ZFHX4: variants seen among roughly 807,000 people sequenced by gnomAD.
ZFHX4 encodes zinc finger homeobox protein 4.
ZFHX4 carries 56 observed loss-of-function variants against 267.6 expected under a neutral mutation model. The observed-to-expected ratio is 0.21, with a 90% CI of 0.17 to 0.26. The LOEUF (loss-of-function observed/expected upper bound fraction) is 0.26, where lower values mean the gene tolerates loss of function less well. Among genes scored for constraint, ZFHX4 ranks in the 10% least tolerant of loss-of-function variants. ZFHX4 has a pLI of 1.00. For missense variants in ZFHX4, 4,332 were observed against 4,420.0 expected (o/e 0.98, Z 0.56); for synonymous variants, 1,778 against 1,665.6 (o/e 1.07, Z -1.64).
rs1191727641 is a variant in ZFHX4 at position 76,854,133 on chromosome 8, A to G, written c.7212A>G (p.Pro2404=). The G allele has an allele frequency of 6.2e-7, 1 of 1,612,990 alleles. No individual in the cohort carries two copies. Among genetic ancestry groups the G allele is most frequent in the East Asian group, 2.2e-5 (1 of 44,770 alleles). The part of the protein sequence containing the change: ...SPKPEPEKTS[P]KPEYPAEKPK... The stretch of plus-strand genomic sequence containing the variant: ...AACCAGAACCTGAGAAGACTTCTCC[A>G]AAACCTGAATATCCCGCAGAAAAGC... The change falls in exon 10 of 11, where the codon CCA becomes CCG. Residue 2404 remains proline (P), a synonymous_variant. Coordinates refer to ENST00000651372, the MANE Select transcript of ZFHX4 (RefSeq NM_024721.5).
intron 3 of ZFHX4, among the ~76,000 whole-genome samples, chr8:76,760,974 C>G (rs569072298): frequency 6.7e-6 from 1 of 150,158 alleles, no homozygotes; most frequent in South Asian, 2.1e-4. Flanking sequence ...TAGCCTGGCT[C>G]TCTATTGAGA....
intron 3 of ZFHX4, among the ~76,000 whole-genome samples, chr8:76,750,094 T>G (rs1809575065): frequency 6.6e-6 from 1 of 152,166 alleles, no homozygotes. Context: ...GACCACACAT[T>G]CTTTTGTTCT....
intron 5 of ZFHX4, among the ~76,000 whole-genome samples, chr8:76,842,088 C>T (rs1332476831): frequency 6.6e-6 from 1 of 151,940 alleles, no homozygotes; most frequent in South Asian, 2.1e-4. Context: ...TTGTTATATC[C>T]TGCACCCAGT....
At chr8:76,787,633 T>G (rs1325386828) in intron 4 of ZFHX4, among the ~76,000 whole-genome samples, 1 of 102,258 alleles carries the variant, frequency 9.8e-6, no homozygotes, top group African/African-American at 3.9e-5. Flanking sequence ...AAACCCCATC[T>G]CCACTAAAAA....
intron 3 of ZFHX4, among the ~76,000 whole-genome samples, chr8:76,742,499 T>G (rs2131686061): frequency 6.6e-6 from 1 of 152,264 alleles, no homozygotes; most frequent in Admixed American, 6.5e-5. Context: ...GATATTGCAC[T>G]TAATACTACT....
intron 5 of ZFHX4, among the ~76,000 whole-genome samples, chr8:76,835,395 A>G (rs549516221): frequency 5.3e-5 from 8 of 151,586 alleles, no homozygotes; most frequent in Admixed American, 3.3e-4. Context: ...CTATATAAAT[A>G]TGACCCCAGT....
At chr8:76,862,113 GTCCT>G (rs1812884361) in intron 10 of ZFHX4, among the ~76,000 whole-genome samples, 1 of 152,140 alleles carries the variant, frequency 6.6e-6, no homozygotes, top group South Asian at 2.1e-4. Context: ...ATCCTGAGCT[GTCCT>G]TCAGTTTCCC....
chr8:76,788,669 T>C (rs1420742688), intron 4 of ZFHX4, among the ~76,000 whole-genome samples: 1 of 152,198 alleles, frequency 6.6e-6, no homozygotes, highest in Non-Finnish European at 1.5e-5. Flanking sequence ...AGTTGAAAAC[T>C]GAATTTCTCC....
At chr8:76,747,933 AAAACAAACAAACAAACAAAC>A (rs138245942) in intron 3 of ZFHX4, among the ~76,000 whole-genome samples, 1 of 150,832 alleles carries the variant, frequency 6.6e-6, no homozygotes, top group Non-Finnish European at 1.5e-5. Flanking sequence ...GCTCTATCTC[AAAACAAACAAACAAACAAAC>A]AAACAAACAA....
At chr8:76,794,995 G>GC (rs1156502007) in intron 4 of ZFHX4, among the ~76,000 whole-genome samples, 1 of 151,928 alleles carries the variant, frequency 6.6e-6, no homozygotes, top group Non-Finnish European at 1.5e-5. Flanking sequence ...CTGTCAGCCT[G>GC]CAAGTAGAGA....
At chr8:76,712,379 C>A (rs1808448924) in intron 3 of ZFHX4, among the ~76,000 whole-genome samples, 1 of 152,074 alleles carries the variant, frequency 6.6e-6, no homozygotes, top group Non-Finnish European at 1.5e-5. Flanking sequence ...TAATTAGGTT[C>A]ATCTACCTTT....
At chr8:76,856,839 T>C (rs992563012) in intron 10 of ZFHX4, among the ~76,000 whole-genome samples, 1 of 152,206 alleles carries the variant, frequency 6.6e-6, no homozygotes, top group Non-Finnish European at 1.5e-5. Context: ...TTAATAGGAC[T>C]TATGTTTGAA....
chr8:76,763,387 C>G (rs1225377093), intron 3 of ZFHX4, among the ~76,000 whole-genome samples: 1 of 152,136 alleles, frequency 6.6e-6, no homozygotes, highest in African/African-American at 2.4e-5. Context: ...CTTTGGGAGG[C>G]TGAGGTGAGT....
At chr8:76,761,430 A>G (rs147079209) in intron 3 of ZFHX4, among the ~76,000 whole-genome samples, 1 of 152,188 alleles carries the variant, frequency 6.6e-6, no homozygotes, top group Non-Finnish European at 1.5e-5. Context: ...GCTTCATTAC[A>G]TGTAGTGGCC....
intron 4 of ZFHX4, among the ~76,000 whole-genome samples, chr8:76,821,507 A>G (rs1585979470): frequency 6.7e-6 from 1 of 148,780 alleles, no homozygotes; most frequent in African/African-American, 2.5e-5. Context: ...TAACAAGCTG[A>G]CCTCTTCCTT....
chr8:76,683,842 G>C (rs999443956), intron 1 of ZFHX4: 14 of 152,044 alleles, frequency 9.2e-5, no homozygotes, highest in South Asian at 4.2e-4. Flanking sequence ...TGCGGCTGCC[G>C]CTGCCTTTTC....
Position 76,855,835 on chromosome 8 carries a change from G to A in ZFHX4, c.8914G>A (p.Val2972Ile), listed in dbSNP as rs1351363703. ...LGNEIGLPKR[V>I]VQVWFQNARA... ...GAATGAGATTGGTCTGCCCAAACGC[G>A]TAGTCCAGGTGTGGTTCCAAAATGC... The change falls in exon 10 of 11, where the codon GTA becomes ATA. Residue 2972 changes from valine (V) to isoleucine (I), a missense_variant. Val to Ile is a conservative substitution (Grantham distance 29). This residue lies in a region of ZFHX4 where 1,648 missense variants were observed against 1,625.0 expected (regional missense o/e 1.01). Coordinates refer to ENST00000651372, the MANE Select transcript of ZFHX4 (RefSeq NM_024721.5). 1 of 1,613,896 alleles carries A rather than the reference G, an allele frequency of 6.2e-7. No homozygotes were observed. Among genetic ancestry groups the A allele is most frequent in the Admixed American group, 1.7e-5 (1 of 60,020 alleles).
At chr8:76,813,111 C>CT (rs1811419621) in intron 4 of ZFHX4, among the ~76,000 whole-genome samples, 1 of 151,906 alleles carries the variant, frequency 6.6e-6, no homozygotes, top group African/African-American at 2.4e-5. Context: ...AAATTTGTTT[C>CT]TTTATAATCT....
Position 76,823,271 on chromosome 8 carries a change from A to G in ZFHX4, c.3326-10067A>G, listed in dbSNP as rs527743895. Among the ~76,000 whole-genome samples, 6 of 152,240 alleles carry G rather than the reference A, an allele frequency of 3.9e-5. No homozygotes were observed. The East Asian group carries it at 9.7e-4, about 25-fold the overall frequency. ...AAAATCCAAGGAACTCTTTGCCAATACATGCATACAGGCACAGGAAAAAAT... is the reference window on the plus strand; with the variant it reads ...AAAATCCAAGGAACTCTTTGCCAATGCATGCATACAGGCACAGGAAAAAAT... On this transcript the variant is annotated intron_variant, in intron 4 of 10. Transcript: ENST00000651372.
Sources: gnomAD v4.1 joint callset for allele counts (sites outside exome capture counted in the v4.1 genomes callset) on GRCh38, gnomAD v4.1.1 for gene constraint, gnomAD v4.1.1 regional missense constraint, MANE v1.5 for transcripts, NCBI Gene and HGNC (gene_info 2026-07-23, HGNC 2026-07-21) for gene names.